The following NRG1 variants were observed in gnomAD, a reference collection of about 807,000 sequenced individuals.
NRG1 encodes neuregulin 1.
NRG1 carries 18 observed loss-of-function variants against 63.8 expected under a neutral mutation model. That is an observed-to-expected ratio of 0.28 (90% CI 0.19 to 0.42). The LOEUF (loss-of-function observed/expected upper bound fraction) is 0.42. Among genes scored for constraint, NRG1 ranks in the 10% least tolerant of loss-of-function variants. The pLI is 1.00. For synonymous variants in NRG1, 302 were observed against 301.3 expected (o/e 1.00, Z -0.02); for missense variants, 762 against 814.7 (o/e 0.94, Z 0.79).
At chr8:32,706,256 A>G (rs1010618275) in intron 5 of NRG1, among the ~76,000 whole-genome samples, 1 of 152,202 alleles carries the variant, frequency 6.6e-6, no homozygotes. Context: ...GGATTTTCAA[A>G]TGTTAATTAT....
chr8:31,826,429 A>G (rs1313511536), intron 1 of NRG1, among the ~76,000 whole-genome samples: 1 of 152,162 alleles, frequency 6.6e-6, no homozygotes, highest in Non-Finnish European at 1.5e-5. Context: ...GTTCCCCTAC[A>G]CATGCTCCCT....
At chr8:32,201,956 A>G (rs1347199527) in intron 1 of NRG1, among the ~76,000 whole-genome samples, 1 of 152,070 alleles carries the variant, frequency 6.6e-6, no homozygotes, top group Non-Finnish European at 1.5e-5. Flanking sequence ...TTTATATAAT[A>G]TTTTCAGAGG....
At chr8:32,591,257 T>A (rs2129536354) in intron 1 of NRG1, among the ~76,000 whole-genome samples, 1 of 152,280 alleles carries the variant, frequency 6.6e-6, no homozygotes, top group Non-Finnish European at 1.5e-5. Flanking sequence ...GGATGCAAAG[T>A]TAGAGTAGCT....
At chr8:32,760,171 T>A (rs756080419) in intron 10 of NRG1, 29 bp from the exon 11 acceptor site, 2 of 1,612,358 alleles carry the variant, frequency 1.2e-6, no homozygotes, top group South Asian at 1.1e-5. Context: ...GCACGAAATA[T>A]CTGATTGTCT....
chr8:32,355,796 T>C (rs986277216), intron 1 of NRG1, among the ~76,000 whole-genome samples: 5 of 152,208 alleles, frequency 3.3e-5, no homozygotes, highest in South Asian at 2.1e-4. Flanking sequence ...TCAGAGTTCC[T>C]ACAATGGACT....
chr8:32,072,261 A>T (rs957116545), intron 1 of NRG1, among the ~76,000 whole-genome samples: 2 of 151,600 alleles, frequency 1.3e-5, no homozygotes, highest in African/African-American at 4.8e-5. Context: ...AAAAAAAATA[A>T]GAAACCCAAA....
At chr8:31,897,860 C>CAAAAAAAA (rs3052833) in intron 1 of NRG1, among the ~76,000 whole-genome samples, 2 of 146,850 alleles carry the variant, frequency 1.4e-5, no homozygotes, top group African/African-American at 5.0e-5. Flanking sequence ...ACTAAAAATA[C>CAAAAAAAA]AAAAAAAAAA....
chr8:32,356,474 A>ACCCCCCCCCCCCCCCCCCGGC (rs11426642), intron 1 of NRG1, among the ~76,000 whole-genome samples: 33 of 69,332 alleles, frequency 4.8e-4, no homozygotes, highest in Non-Finnish European at 6.0e-4. Flanking sequence ...CCTTGTTGGG[A>ACCCCCCCCCCCCCCCCCCGGC]CCCCCCCCCC....
chr8:31,883,815 G>A (rs1263950939), intron 1 of NRG1, among the ~76,000 whole-genome samples: 1 of 152,052 alleles, frequency 6.6e-6, no homozygotes, highest in Non-Finnish European at 1.5e-5. Context: ...CAGATAGACT[G>A]TTTTTCCTTA....
chr8:31,866,931 G>A (rs1829011577), intron 1 of NRG1, among the ~76,000 whole-genome samples: 1 of 152,068 alleles, frequency 6.6e-6, no homozygotes. Flanking sequence ...CAGAACTTAG[G>A]AAAGCAGTCA....
intron 1 of NRG1, among the ~76,000 whole-genome samples, chr8:32,050,937 AAC>A (rs1253316257): frequency 6.6e-6 from 1 of 152,182 alleles, no homozygotes; most frequent in Non-Finnish European, 1.5e-5. Context: ...GATGATTTAT[AAC>A]ACAGAGAAAA....
At position 32,427,745 on chromosome 8, in the gene NRG1, G is replaced by A. The variant is rs115748307; in HGVS notation, c.38-168083G>A. On this transcript the variant is annotated intron_variant, in intron 1 of 10. Transcript: ENST00000519301. ...CAAATGATTCTAAGATTGTTCTAAC[G>A]TGTGCGACAGGATAAGCTCTCTTTT... Among the ~76,000 whole-genome samples, 1,246 of 152,204 alleles carry A rather than the reference G, an allele frequency of 8.2e-3. 19 individuals carry two copies. Among genetic ancestry groups the A allele is most frequent in the African/African-American group, 0.026 (1,070 of 41,520 alleles).
chr8:32,500,287 CT>C (rs1827709888), intron 1 of NRG1, among the ~76,000 whole-genome samples: 1 of 152,178 alleles, frequency 6.6e-6, no homozygotes, highest in Admixed American at 6.5e-5. Context: ...AGCCATTAGA[CT>C]TTATCTGTAA....
chr8:32,285,816 AGGGAACAT>A (rs1395581504), intron 1 of NRG1, among the ~76,000 whole-genome samples: 14 of 152,142 alleles, frequency 9.2e-5, no homozygotes, highest in African/African-American at 3.1e-4. Context: ...TGTAGGCAGG[AGGGAACAT>A]GGTGTGTGGC....
chr8:32,746,762 A>T (rs1037213834), intron 7 of NRG1, among the ~76,000 whole-genome samples: 1 of 152,138 alleles, frequency 6.6e-6, no homozygotes, highest in Non-Finnish European at 1.5e-5. Context: ...CAGAAGTTCA[A>T]TAGGAAGCAT....
intron 1 of NRG1, among the ~76,000 whole-genome samples, chr8:32,407,319 T>TATATATATATA (rs71208179): frequency 2.7e-4 from 1 of 3,654 alleles, no homozygotes; most frequent in Admixed American, 3.6e-3. Context: ...TATATATATA[T>TATATATATATA]TATATATATA....
At chr8:32,293,204 A>G (rs565806286) in intron 1 of NRG1, among the ~76,000 whole-genome samples, 16 of 152,354 alleles carry the variant, frequency 1.1e-4, no homozygotes, top group Middle Eastern at 3.4e-3. Context: ...ATATGATAAA[A>G]TATATGATTT....
At chr8:31,852,788 A>C (rs1827389222) in intron 1 of NRG1, among the ~76,000 whole-genome samples, 1 of 152,174 alleles carries the variant, frequency 6.6e-6, no homozygotes, top group Admixed American at 6.5e-5. Context: ...ATTTTTGTAT[A>C]AGGTGTAAGG....
chr8:32,351,003 C>A (rs745415702), intron 1 of NRG1, among the ~76,000 whole-genome samples: 2 of 152,102 alleles, frequency 1.3e-5, no homozygotes, highest in South Asian at 4.2e-4. Flanking sequence ...TTTCCATTCC[C>A]ACCTCCCCTT....
Sources: allele counts gnomAD v4.1 joint callset (sites outside exome capture counted in the v4.1 genomes callset), GRCh38; gene constraint gnomAD v4.1.1; transcripts MANE v1.5; gene names NCBI Gene and HGNC (gene_info 2026-07-23, HGNC 2026-07-21).